The following SLC39A12 variants were observed in gnomAD, a reference collection of about 807,000 sequenced individuals.
The protein encoded by SLC39A12 is zinc transporter ZIP12.
A neutral mutation model predicts 71.1 loss-of-function variants in SLC39A12; 63 were observed. The observed-to-expected ratio is 0.89, with a 90% CI of 0.72 to 1.09. The LOEUF is 1.09. SLC39A12 is among the 50% of genes least tolerant of loss of function. SLC39A12 has a pLI of 0.00. For missense variants in SLC39A12, 892 were observed against 812.6 expected, an observed-to-expected ratio of 1.10 and a Z score of -1.19; for synonymous variants, 351 against 301.3, an observed-to-expected ratio of 1.16 and a Z score of -1.71.
intron 12 of SLC39A12, among the ~76,000 whole-genome samples, chr10:18,024,639 C>G (rs150088882): frequency 6.6e-6 from 1 of 152,174 alleles, no homozygotes; most frequent in African/African-American, 2.4e-5. Context: ...GAGAAGCACA[C>G]GCTAGCTACT....
intron 12 of SLC39A12, among the ~76,000 whole-genome samples, chr10:18,036,773 TATATATATATATATATA>T (rs1321319387): frequency 0.046 from 1,109 of 24,102 alleles, 64 homozygotes; most frequent in Admixed American, 0.064. Flanking sequence ...TATATATATA[TATATATATATATATATA>T]TATATTTTTT....
At chr10:18,035,115 A>C (rs1376412926) in intron 12 of SLC39A12, among the ~76,000 whole-genome samples, 1 of 144,510 alleles carries the variant, frequency 6.9e-6, no homozygotes, top group African/African-American at 2.6e-5. Context: ...TGAATCTGAC[A>C]ATTATGTGTC....
At chr10:17,994,573 A>T (rs1257480315) in intron 9 of SLC39A12, among the ~76,000 whole-genome samples, 2 of 152,194 alleles carry the variant, frequency 1.3e-5, no homozygotes, top group Non-Finnish European at 2.9e-5. Flanking sequence ...ACAGAACTAT[A>T]AAGCATTGTG....
intron 12 of SLC39A12, among the ~76,000 whole-genome samples, chr10:18,017,459 C>A (rs1017606811): frequency 1.3e-5 from 2 of 152,130 alleles, no homozygotes; most frequent in Non-Finnish European, 2.9e-5. Context: ...CAGGTGCATG[C>A]CACCACGCCC....
chr10:17,971,977 C>CGAAA (rs1460033626), intron 4 of SLC39A12, among the ~76,000 whole-genome samples: 1 of 152,148 alleles, frequency 6.6e-6, no homozygotes, highest in African/African-American at 2.4e-5. Flanking sequence ...TAGCTATAAA[C>CGAAA]TTTCCTCTTA....
chr10:17,964,620 T>C (rs1203907503), intron 3 of SLC39A12, among the ~76,000 whole-genome samples: 2 of 152,184 alleles, frequency 1.3e-5, no homozygotes, highest in African/African-American at 4.8e-5. Flanking sequence ...AAAATTGATA[T>C]ACATATTTGA....
At chr10:18,001,620 G>T (rs769317475) in intron 11 of SLC39A12, among the ~76,000 whole-genome samples, 40 of 152,338 alleles carry the variant, frequency 2.6e-4, no homozygotes, top group Middle Eastern at 3.4e-3. Context: ...CAGGTGTGTG[G>T]TGGCAGATTC....
chr10:18,014,920 C>T (rs1012155679), intron 12 of SLC39A12, among the ~76,000 whole-genome samples: 1 of 152,146 alleles, frequency 6.6e-6, no homozygotes, highest in African/African-American at 2.4e-5. Context: ...ATGTTTCTAA[C>T]TATCTGCAAG....
At chr10:18,021,926 A>G (rs1836543798) in intron 12 of SLC39A12, among the ~76,000 whole-genome samples, 1 of 152,114 alleles carries the variant, frequency 6.6e-6, no homozygotes, top group Non-Finnish European at 1.5e-5. Flanking sequence ...TGTTTTCTTT[A>G]AGGATTCTTA....
rs779289078 is a variant in SLC39A12 at position 18,027,415 on chromosome 10, A to G, written c.1948-15290A>G. Among the ~76,000 whole-genome samples, 70 of 152,216 alleles carry G rather than the reference A, an allele frequency of 4.6e-4. 1 individual carries two copies. The highest frequency in any genetic ancestry group is 8.8e-5 in the Non-Finnish European group (6 of 68,044). ...GAGCAGAATGCTCTGGTATATTTCA[A>G]AATGATTATTTTCCCTCTCCTCCTA... On this transcript the variant is annotated intron_variant, in intron 12 of 12. Coordinates refer to ENST00000377369, the MANE Select transcript of SLC39A12 (RefSeq NM_001145195.2).
At chr10:17,967,715 C>T (rs1834863388) in intron 4 of SLC39A12, among the ~76,000 whole-genome samples, 1 of 151,384 alleles carries the variant, frequency 6.6e-6, no homozygotes, top group Non-Finnish European at 1.5e-5. Flanking sequence ...AACCCAGTCT[C>T]TACTAAAAAA....
chr10:17,991,312 T>C lies in SLC39A12; in HGVS notation c.1422+9T>C. 7 of 1,565,030 alleles carry C rather than the reference T, an allele frequency of 4.5e-6. No individual in the cohort carries two copies. The highest frequency in any genetic ancestry group is 6.0e-6 in the Non-Finnish European group (7 of 1,161,788). Reference sequence around the variant, plus strand: ...TATCACCAAATGACAAGGTATATTTTTAAGTTTTATTTGTCTTGTGCTTTA... The same window carrying C: ...TATCACCAAATGACAAGGTATATTTCTAAGTTTTATTTGTCTTGTGCTTTA... On this transcript the variant is annotated intron_variant, in intron 8 of 12. Coordinates refer to ENST00000377369, the MANE Select transcript of SLC39A12 (RefSeq NM_001145195.2).
chr10:18,002,992 C>A (rs562512094), intron 11 of SLC39A12, 179 bp from the exon 12 acceptor site: 1 of 555,634 alleles, frequency 1.8e-6, no homozygotes, highest in Non-Finnish European at 3.1e-6. Context: ...CCTAATAGTA[C>A]GATGAATGGG....
At chr10:18,035,516 T>C (rs1281587847) in intron 12 of SLC39A12, among the ~76,000 whole-genome samples, 1 of 150,590 alleles carries the variant, frequency 6.6e-6, no homozygotes, top group African/African-American at 2.5e-5. Flanking sequence ...TTTAAGCACT[T>C]CTCTGTATTG....
chr10:17,952,491 C>CTTTTTTTT (rs11288880), intron 1 of SLC39A12, among the ~76,000 whole-genome samples: 6 of 128,566 alleles, frequency 4.7e-5, no homozygotes, highest in East Asian at 2.2e-4. Context: ...TTTCTTTTTT[C>CTTTTTTTT]TTTTTTTTTT....
intron 12 of SLC39A12, among the ~76,000 whole-genome samples, chr10:18,015,265 G>A (rs1836343781): frequency 6.6e-6 from 1 of 152,008 alleles, no homozygotes; most frequent in South Asian, 2.1e-4. Flanking sequence ...ACTGTTACAT[G>A]TCTCTTTGTA....
At chr10:18,017,620 T>C (rs961267186) in intron 12 of SLC39A12, among the ~76,000 whole-genome samples, 3 of 152,220 alleles carry the variant, frequency 2.0e-5, no homozygotes, top group African/African-American at 7.2e-5. Context: ...TTCAGGTTGT[T>C]CCAGCACCAT....
At chr10:18,024,586 T>G (rs371814127) in intron 12 of SLC39A12, among the ~76,000 whole-genome samples, 2 of 152,202 alleles carry the variant, frequency 1.3e-5, no homozygotes, top group East Asian at 3.9e-4. Context: ...ATGATCTAGT[T>G]GAAGAGCTAG....
chr10:18,033,726 C>A (rs866686401), intron 12 of SLC39A12, among the ~76,000 whole-genome samples: 5,176 of 137,934 alleles, frequency 0.038, 186 homozygotes, highest in African/African-American at 0.1. Flanking sequence ...TTTTCTAGTT[C>A]TTTTAATTGT....
Sources: gnomAD v4.1 joint callset for allele counts (sites outside exome capture counted in the v4.1 genomes callset) on GRCh38, gnomAD v4.1.1 for gene constraint, MANE v1.5 for transcripts, NCBI Gene and HGNC (gene_info 2026-07-23, HGNC 2026-07-21) for gene names.